Variants in COL14A1 observed in about 807,000 individuals in gnomAD.
COL14A1 encodes the protein collagen type XIV alpha 1 chain, also known as collagen alpha-1(XIV) chain.
In COL14A1, 136 loss-of-function variants were observed where a neutral mutation model predicts 230.3. The observed-to-expected ratio is 0.59, with a 90% CI of 0.51 to 0.68. The LOEUF (loss-of-function observed/expected upper bound fraction) is 0.68. Ranked by LOEUF, COL14A1 falls within the 30% of genes least tolerant of loss-of-function variation. The probability of loss-of-function intolerance (pLI) is 0.00; values close to 1 mark genes in which losing one functional copy is unlikely to be tolerated. For synonymous variants in COL14A1, 792 were observed against 784.1 expected (o/e 1.01, Z -0.17); for missense variants, 1,976 against 2,215.8 (o/e 0.89, Z 2.17).
intron 25 of COL14A1, among the ~76,000 whole-genome samples, chr8:120,268,282 G>C (rs1819558364): frequency 6.6e-6 from 1 of 151,534 alleles, no homozygotes; most frequent in Non-Finnish European, 1.5e-5. Flanking sequence ...TTCATATCTA[G>C]CCTTCTTTAG....
At chr8:120,180,155 A>G (rs1215471817) in intron 5 of COL14A1, among the ~76,000 whole-genome samples, 2 of 152,222 alleles carry the variant, frequency 1.3e-5, no homozygotes, top group Admixed American at 6.5e-5. Context: ...CTTAGTTGAA[A>G]CCATGACAAT....
intron 34 of COL14A1, among the ~76,000 whole-genome samples, chr8:120,291,581 A>AC: frequency 6.7e-6 from 1 of 149,514 alleles, no homozygotes; most frequent in Non-Finnish European, 1.5e-5. Context: ...AAAAAAAAAA[A>AC]CCAAAAAACC....
At chr8:120,153,633 C>G (rs1246153727) in intron 2 of COL14A1, among the ~76,000 whole-genome samples, 1 of 152,124 alleles carries the variant, frequency 6.6e-6, no homozygotes, top group Non-Finnish European at 1.5e-5. Flanking sequence ...GGTAAAAACT[C>G]TCAATGTGAT....
At position 120,305,128 on chromosome 8, in the gene COL14A1, G is replaced by A. The variant is rs1246870029; in HGVS notation, c.4401+4310G>A. Among the ~76,000 whole-genome samples the A allele has an allele frequency of 5.3e-5, 8 of 151,964 alleles. No homozygotes were observed. The South Asian group carries it at 6.2e-4, about 12-fold the overall frequency. The stretch of plus-strand genomic sequence containing the variant: ...CGAGTAGCTGGGATTACAGGCATGT[G>A]CCACCATGCCAGGCTAATTTTTTGC... On this transcript the variant is annotated intron_variant, in intron 36 of 47. Transcript: ENST00000297848.
At position 120,261,718 on chromosome 8, in the gene COL14A1, T is replaced by TA. The variant is rs1186889708; in HGVS notation, c.2870-1143dup. The stretch of plus-strand genomic sequence containing the variant: ...GTGTATGACATGTCTCCTTGGTAGA[T>TA]AAAAAAAGAACCAGAAATTGAGACT... On this transcript the variant is annotated intron_variant, in intron 23 of 47. Transcript: ENST00000297848. Among the ~76,000 whole-genome samples, 5 of 152,160 alleles carry TA rather than the reference T, an allele frequency of 3.3e-5. No homozygotes were observed. The East Asian group carries it at 9.7e-4, about 29-fold the overall frequency.
intron 19 of COL14A1, among the ~76,000 whole-genome samples, chr8:120,235,056 C>T (rs1818395478): frequency 6.6e-6 from 1 of 152,094 alleles, no homozygotes; most frequent in African/African-American, 2.4e-5. Context: ...GTGTATGTGT[C>T]CAGGAATTTA....
rs181730586 is a variant in COL14A1, at chr8:120,168,338, A to G, written c.436+91A>G. 134 of 877,996 alleles carry G rather than the reference A, an allele frequency of 1.5e-4. No homozygotes were observed. In the Admixed American group the frequency reaches 2.1e-3, roughly 14 times the overall value. 54.4% of individuals were successfully genotyped at this position (877,996 alleles called of 1,614,324 possible). A position where few individuals can be genotyped will look rare whatever the true frequency, so the allele number is the denominator to read the frequency against. ...ACATGTGGGGTTGCTGGTCCCATCT[A>G]AGAAGGGCAGGTCTAATACGAAGAT... is the stretch of plus-strand genomic sequence containing the variant. On this transcript the variant is annotated intron_variant, in intron 5 of 47. Transcript: ENST00000297848.
intron 36 of COL14A1, among the ~76,000 whole-genome samples, chr8:120,301,353 C>T (rs1259783760): frequency 3.3e-5 from 5 of 152,088 alleles, no homozygotes; most frequent in African/African-American, 1.2e-4. Context: ...TTCTCTCCTT[C>T]CATCCTCCAC....
chr8:120,148,008 T>A, intron 2 of COL14A1, 78 bp downstream of exon 2: 1 of 1,059,554 alleles, frequency 9.4e-7, no homozygotes, highest in South Asian at 1.4e-5. Flanking sequence ...ATTTTATTTA[T>A]CCTAACAATA....
intron 45 of COL14A1, among the ~76,000 whole-genome samples, chr8:120,360,619 T>G (rs1164162589): frequency 6.6e-6 from 1 of 152,226 alleles, no homozygotes; most frequent in African/African-American, 2.4e-5. Context: ...TGGAAAGCCT[T>G]CTGCAGTCCC....
chr8:120,195,933 A>G (rs1025097345), intron 5 of COL14A1, among the ~76,000 whole-genome samples: 1 of 152,184 alleles, frequency 6.6e-6, no homozygotes, highest in Non-Finnish European at 1.5e-5. Flanking sequence ...GTGAATAGAA[A>G]TGGTGAGTTT....
intron 17 of COL14A1, among the ~76,000 whole-genome samples, chr8:120,228,391 C>G (rs1166904971): frequency 6.6e-6 from 1 of 152,232 alleles, no homozygotes; most frequent in Non-Finnish European, 1.5e-5. Context: ...TCTAATTTCC[C>G]TTAATTACCA....
Position 120,244,129 on chromosome 8 carries a change from A to G in COL14A1, c.2479+121A>G, listed in dbSNP as rs76530133. 2,617 of 1,189,502 alleles carry G rather than the reference A, an allele frequency of 2.2e-3. 59 individuals carry two copies. The African/African-American group carries it at 0.038, about 17-fold the overall frequency. The allele number at this position is 1,189,502 out of a possible 1,614,324, so 73.7% of individuals were successfully genotyped here. A position where few individuals can be genotyped will look rare whatever the true frequency, so the allele number is the denominator to read the frequency against. Reference sequence around the variant, plus strand: ...TGAAGAAACTAAAAGATTTGGGAACAGGAAATCTGTCTGCATCCTGTCTTT... The same window carrying G: ...TGAAGAAACTAAAAGATTTGGGAACGGGAAATCTGTCTGCATCCTGTCTTT... On this transcript the variant is annotated intron_variant, in intron 20 of 47. Coordinates refer to ENST00000297848, the MANE Select transcript of COL14A1 (RefSeq NM_021110.4).
At chr8:120,149,891 A>G (rs1815224431) in intron 2 of COL14A1, among the ~76,000 whole-genome samples, 1 of 151,974 alleles carries the variant, frequency 6.6e-6, no homozygotes, top group African/African-American at 2.4e-5. Flanking sequence ...AGGGGGTTTC[A>G]CCATGTTGGT....
chr8:120,367,040 T>C, intron 45 of COL14A1, 131 bp from the exon 46 acceptor site: 1 of 612,068 alleles, frequency 1.6e-6, no homozygotes, highest in East Asian at 2.8e-5. Flanking sequence ...AGTCCCATGG[T>C]ACTCATAACC....
intron 45 of COL14A1, among the ~76,000 whole-genome samples, chr8:120,366,423 T>C (rs1823407986): frequency 6.6e-6 from 1 of 152,204 alleles, no homozygotes; most frequent in Admixed American, 6.5e-5. Flanking sequence ...TCTTCTATGA[T>C]GTAAGCCAGG....
intron 1 of COL14A1, among the ~76,000 whole-genome samples, chr8:120,147,008 A>G (rs1290687323): frequency 6.6e-6 from 1 of 151,770 alleles, no homozygotes. Flanking sequence ...TTCCCCTCCA[A>G]TTCTGCCTCT....
chr8:120,349,315 G>A (rs7829468), intron 45 of COL14A1, among the ~76,000 whole-genome samples: 74,644 of 143,254 alleles, frequency 0.52, 21,101 homozygotes, highest in African/African-American at 0.75. Context: ...TGGAAGCTCT[G>A]AAAATCAGAG....
intron 11 of COL14A1, among the ~76,000 whole-genome samples, chr8:120,208,849 A>G (rs905568679): frequency 6.6e-6 from 1 of 152,170 alleles, no homozygotes; most frequent in African/African-American, 2.4e-5. Flanking sequence ...CACCATGACA[A>G]CATACACACA....
Sources: allele counts gnomAD v4.1 joint callset (sites outside exome capture counted in the v4.1 genomes callset), GRCh38; gene constraint gnomAD v4.1.1; transcripts MANE v1.5; gene names NCBI Gene and HGNC (gene_info 2026-07-23, HGNC 2026-07-21).